FER: variants seen among roughly 807,000 people sequenced by gnomAD.
The protein encoded by FER is tyrosine-protein kinase Fer.
Under a neutral mutation model 111.0 loss-of-function variants are expected in FER, and 63 were observed. The ratio of observed to expected loss-of-function variants is 0.57; its 90% CI spans 0.46 to 0.70. The LOEUF (loss-of-function observed/expected upper bound fraction) is 0.70, where lower values mean the gene tolerates loss of function less well. Ranked by LOEUF, FER falls within the 30% of genes least tolerant of loss-of-function variation. The pLI is 0.00. For missense variants in FER, 914 were observed against 954.0 expected (o/e 0.96, Z 0.55); for synonymous variants, 327 against 313.9 (o/e 1.04, Z -0.44).
At chr5:108,801,940 A>G (rs1056695761) in intron 3 of FER, among the ~76,000 whole-genome samples, 1 of 152,384 alleles carries the variant, frequency 6.6e-6, no homozygotes, top group South Asian at 2.1e-4. Flanking sequence ...CAAGTAGCAT[A>G]TACAGCATGG....
intron 11 of FER, among the ~76,000 whole-genome samples, chr5:108,952,911 G>A (rs73209361): frequency 0.017 from 2,541 of 152,020 alleles, 73 homozygotes; most frequent in African/African-American, 0.058. Context: ...TTCCTGTTAC[G>A]TTGACCTTTT....
In FER at chr5:108,872,212, T is replaced by G; in HGVS notation, c.923T>G (p.Met308Arg). 1 of 1,601,026 alleles carries G rather than the reference T, an allele frequency of 6.2e-7. No individual in the cohort carries two copies. Among genetic ancestry groups the G allele is most frequent in the Non-Finnish European group, 8.5e-7 (1 of 1,175,116 alleles). Residue 308 changes from methionine (M) to arginine (R), a missense_variant and splice_region_variant, in exon 8 of 20, where the codon ATG (methionine) becomes AGG (arginine). Transcript: ENST00000281092. ...NNLTAESLQV[M>R]LKTLAEELMQ... ...TTAACAGCAGAAAGTTTGCAAGTAA[T>G]GTAAGTATTCACAAAATATCAACAG...
intron 16 of FER, among the ~76,000 whole-genome samples, chr5:109,079,731 T>C (rs1359701117): frequency 6.6e-6 from 1 of 152,048 alleles, no homozygotes; most frequent in Non-Finnish European, 1.5e-5. Flanking sequence ...AAGAAATCTG[T>C]TCAGCACAGA....
In FER at chr5:109,122,663, G is replaced by A. The variant is rs1171326152; in HGVS notation, c.2048+22144G>A. 2.6e-5 allele frequency among the ~76,000 whole-genome samples: 4 copies of A among 152,134 alleles called. No individual in the cohort carries two copies. The East Asian group carries it at 7.7e-4, about 29-fold the overall frequency. The stretch of plus-strand genomic sequence containing the variant: ...GGATGGTATGTCCAATGCGGAAAGT[G>A]GGGTGTTGACAGCTCTGGCTGTTGT... On this transcript the variant is annotated intron_variant, in intron 17 of 19. Coordinates refer to ENST00000281092, the MANE Select transcript of FER (RefSeq NM_005246.4).
At chr5:109,063,345 T>A (rs962564879) in intron 16 of FER, among the ~76,000 whole-genome samples, 2 of 152,202 alleles carry the variant, frequency 1.3e-5, no homozygotes, top group Non-Finnish European at 2.9e-5. Context: ...CTCTGGAAGG[T>A]TACTATGGTA....
Position 109,044,778 on chromosome 5 carries a change from AT to A in FER, c.1817del (p.Leu606TyrfsTer19). On this transcript the variant is annotated frameshift_variant, in exon 15 of 20. Coordinates refer to ENST00000281092, the MANE Select transcript of FER (RefSeq NM_005246.4). LOFTEE classifies it high-confidence loss of function. ...EDLPQELKIK[F>X]LQEAKILKQY... is the part of the protein sequence containing the mutation. ...ATCTTCCTCAGGAATTGAAAATAAA[AT>A]TTTTACAAGAAGCCAAGTGAGTTAT... The A allele has an allele frequency of 6.4e-7, 1 of 1,554,956 alleles. No homozygotes were observed. Among genetic ancestry groups the A allele is most frequent in the Non-Finnish European group, 8.7e-7 (1 of 1,146,700 alleles).
intron 17 of FER, among the ~76,000 whole-genome samples, chr5:109,144,896 T>G (rs1362779510): frequency 6.6e-6 from 1 of 152,132 alleles, no homozygotes; most frequent in Non-Finnish European, 1.5e-5. Context: ...GTATTTAATT[T>G]GTTACAGTTT....
intron 3 of FER, among the ~76,000 whole-genome samples, chr5:108,804,312 G>C (rs1295601219): frequency 2.0e-5 from 3 of 151,904 alleles, no homozygotes; most frequent in African/African-American, 7.3e-5. Context: ...TCCTATTTGG[G>C]TGCCTTTTAT....
intron 5 of FER, among the ~76,000 whole-genome samples, chr5:108,845,951 C>G (rs1449322657): frequency 6.6e-6 from 1 of 152,128 alleles, no homozygotes. Context: ...TAAAATCTCG[C>G]TAGTCATGAC....
intron 17 of FER, among the ~76,000 whole-genome samples, chr5:109,171,694 G>A (rs1212558983): frequency 1.3e-5 from 2 of 152,138 alleles, no homozygotes; most frequent in African/African-American, 2.4e-5. Flanking sequence ...GGGAGCGGGT[G>A]TATGTTTTTT....
At chr5:108,994,205 A>C (rs1420465409) in intron 13 of FER, among the ~76,000 whole-genome samples, 1 of 152,106 alleles carries the variant, frequency 6.6e-6, no homozygotes, top group Non-Finnish European at 1.5e-5. Flanking sequence ...GCCCATGCCT[A>C]TGCCCCACAT....
At chr5:109,021,196 T>G (rs74478106) in intron 13 of FER, among the ~76,000 whole-genome samples, 1,541 of 152,120 alleles carry the variant, frequency 0.01, 22 homozygotes, top group African/African-American at 0.035. Context: ...TACTACCATT[T>G]TAATTAATAA....
intron 2 of FER, among the ~76,000 whole-genome samples, chr5:108,791,638 T>G: frequency 6.6e-6 from 1 of 151,564 alleles, no homozygotes; most frequent in South Asian, 2.1e-4. Flanking sequence ...AGGTTGTCTT[T>G]TCACTTTCTT....
intron 3 of FER, among the ~76,000 whole-genome samples, chr5:108,825,340 C>T (rs895228323): frequency 1.1e-4 from 16 of 152,286 alleles, no homozygotes; most frequent in Admixed American, 6.5e-4. Context: ...CCCCTAGGTG[C>T]GCATTCTCTT....
At chr5:109,040,020 T>C (rs1770932030) in intron 14 of FER, among the ~76,000 whole-genome samples, 1 of 152,060 alleles carries the variant, frequency 6.6e-6, no homozygotes. Flanking sequence ...ACTTTTGAAA[T>C]TGAACCAATT....
chr5:109,017,065 C>T (rs1050228673), intron 13 of FER, among the ~76,000 whole-genome samples: 6 of 152,074 alleles, frequency 3.9e-5, no homozygotes, highest in East Asian at 1.9e-4. Context: ...GTTATGGCAG[C>T]CTAAGCTGAC....
chr5:109,011,641 G>C (rs545284649), intron 13 of FER, among the ~76,000 whole-genome samples: 1 of 152,058 alleles, frequency 6.6e-6, no homozygotes, highest in Admixed American at 6.5e-5. Flanking sequence ...TATGTTTTTA[G>C]CAGGGCTTTA....
At chr5:108,987,717 A>G (rs1048010773) in intron 13 of FER, among the ~76,000 whole-genome samples, 1 of 152,174 alleles carries the variant, frequency 6.6e-6, no homozygotes, top group African/African-American at 2.4e-5. Context: ...TTTTCTAGGT[A>G]TACAATCATA....
intron 17 of FER, among the ~76,000 whole-genome samples, chr5:109,110,105 C>G (rs1181302630): frequency 6.6e-6 from 1 of 152,120 alleles, no homozygotes; most frequent in African/African-American, 2.4e-5. Flanking sequence ...ACCCCTTTAG[C>G]TAAGTGTTAC....
Sources: gnomAD v4.1 joint callset for allele counts (sites outside exome capture counted in the v4.1 genomes callset) on GRCh38, gnomAD v4.1.1 for gene constraint, MANE v1.5 for transcripts, NCBI Gene and HGNC (gene_info 2026-07-23, HGNC 2026-07-21) for gene names.